The following RELN variants were observed in gnomAD, a reference collection of about 807,000 sequenced individuals.
RELN encodes the protein reelin.
Under a neutral mutation model 427.6 loss-of-function variants are expected in RELN, and 108 were observed. The observed-to-expected ratio is 0.25, with a 90% confidence interval of 0.22 to 0.30. The LOEUF is 0.30. Among genes scored for constraint, RELN ranks in the 10% least tolerant of loss-of-function variants. RELN has a pLI of 1.00. For synonymous variants in RELN, 1,524 were observed against 1,513.4 expected (o/e 1.01, Z -0.16); for missense variants, 3,715 against 4,302.8 (o/e 0.86, Z 3.82).
chr7:103,483,087 G>A lies in RELN; in HGVS notation c.10182-116C>T, dbSNP rs989632611. ...CTAATCTAAATCAACAAAATGTTAT[G>A]CATGGAATTCAGATTTGCTTAGGTC... is the stretch of plus-strand genomic sequence containing the variant. On this transcript the variant is annotated intron_variant, in intron 62 of 64. Transcript: ENST00000428762. 7.3e-6 allele frequency: 6 copies of A among 824,174 alleles called. No homozygotes were observed. In the African/African-American group the frequency reaches 1.0e-4, roughly 14 times the overall value. 51.1% of individuals were successfully genotyped at this position (824,174 alleles called of 1,614,324 possible).
At chr7:103,529,257 A>C (rs1829888624) in intron 46 of RELN, among the ~76,000 whole-genome samples, 1 of 152,178 alleles carries the variant, frequency 6.6e-6, no homozygotes, top group Admixed American at 6.5e-5. Context: ...CTTTCCTTAG[A>C]ACTTCCTGCA....
At position 103,575,568 on chromosome 7, in the gene RELN, A is replaced by C. The variant is rs1382626741; in HGVS notation, c.4283T>G (p.Phe1428Cys). Residue 1428 changes from phenylalanine to cysteine, a missense_variant, in exon 29 of 65, where the codon TTC (phenylalanine) becomes TGC (cysteine). Physicochemically the swap from Phe to Cys is radical, Grantham distance 205. This residue lies in a region of RELN where 2,208 missense variants were observed against 2,361.7 expected (regional missense o/e 0.93). Transcript: ENST00000428762. ...GHGDCISGVC[F>C]CDLGYTAAQG... ...CTTACCAGTATATCCCAGGTCACAG[A>C]AACACACTCCTGAAATGCAGTCCCC... 1.9e-6 allele frequency: 3 copies of C among 1,614,188 alleles called. No individual in the cohort carries two copies. The South Asian group carries it at 3.3e-5, about 18-fold the overall frequency.
At chr7:103,865,036 T>C (rs264361) in intron 2 of RELN, among the ~76,000 whole-genome samples, 129,251 of 150,854 alleles carry the variant, frequency 0.86, 55,662 homozygotes, top group African/African-American at 0.97. Context: ...GAGGCTGAGG[T>C]AGGAGAATTG....
chr7:103,598,739 A>G (rs1831597445), intron 24 of RELN, among the ~76,000 whole-genome samples: 1 of 152,234 alleles, frequency 6.6e-6, no homozygotes, highest in Non-Finnish European at 1.5e-5. Flanking sequence ...AGAGAATAGC[A>G]CAAATCATTT....
At chr7:103,627,964 C>T (rs1184544257) in intron 20 of RELN, 2 of 152,268 alleles carry the variant, frequency 1.3e-5, no homozygotes, top group Admixed American at 6.5e-5. Flanking sequence ...GCAACTTTTG[C>T]ATTTATCTGA....
intron 2 of RELN, among the ~76,000 whole-genome samples, chr7:103,876,165 A>G (rs1325293290): frequency 1.3e-5 from 2 of 152,138 alleles, no homozygotes; most frequent in Admixed American, 6.6e-5. Context: ...TTTTTTTAGG[A>G]ATAACTTGTA....
intron 2 of RELN, among the ~76,000 whole-genome samples, chr7:103,866,841 C>G (rs1232666629): frequency 6.6e-6 from 1 of 151,978 alleles, no homozygotes. Context: ...CCTGTCTGCC[C>G]TCTATCACAG....
At chr7:103,900,539 T>C (rs558349954) in intron 2 of RELN, among the ~76,000 whole-genome samples, 1 of 152,284 alleles carries the variant, frequency 6.6e-6, no homozygotes, top group South Asian at 2.1e-4. Flanking sequence ...GCTACCTGAC[T>C]TCAAACTATA....
intron 1 of RELN, among the ~76,000 whole-genome samples, chr7:103,931,534 G>A (rs1307709245): frequency 6.6e-6 from 1 of 152,286 alleles, no homozygotes; most frequent in Admixed American, 6.5e-5. Context: ...CAACACCACT[G>A]AGCATAGTCC....
At chr7:103,705,345 A>G (rs1175139123) in intron 8 of RELN, among the ~76,000 whole-genome samples, 1 of 149,200 alleles carries the variant, frequency 6.7e-6, no homozygotes, top group Admixed American at 6.6e-5. Context: ...CCCAAATACA[A>G]ACAAACAAAC....
At chr7:103,535,770 G>A (rs1302833831) in intron 45 of RELN, among the ~76,000 whole-genome samples, 1 of 151,994 alleles carries the variant, frequency 6.6e-6, no homozygotes, top group Non-Finnish European at 1.5e-5. Flanking sequence ...AGAAGCTTTT[G>A]GAACAATCAT....
chr7:103,713,660 C>CTT (rs60124892), intron 8 of RELN, among the ~76,000 whole-genome samples: 2,875 of 143,670 alleles, frequency 0.02, 99 homozygotes, highest in African/African-American at 0.069. Context: ...GGCATTTATC[C>CTT]TTTTTTTTTT....
At chr7:103,605,794 A>T (rs1831805267) in intron 22 of RELN, among the ~76,000 whole-genome samples, 1 of 152,208 alleles carries the variant, frequency 6.6e-6, no homozygotes, top group African/African-American at 2.4e-5. Context: ...CAGACTGTTA[A>T]AATTCCGACT....
At chr7:103,519,620 TC>T in intron 48 of RELN, 104 bp from the exon 49 acceptor site, 2 of 835,842 alleles carry the variant, frequency 2.4e-6, no homozygotes, top group Non-Finnish European at 3.8e-6. Context: ...TCTTGCTCTG[TC>T]ACCTAGGCTG....
At chr7:103,771,442 A>G (rs973906295) in intron 4 of RELN, among the ~76,000 whole-genome samples, 4 of 151,828 alleles carry the variant, frequency 2.6e-5, no homozygotes, top group African/African-American at 9.7e-5. Context: ...CCATCTCCCT[A>G]ATGAATGCAT....
In RELN at chr7:103,640,968, A is replaced by G. The variant is rs1832683645; in HGVS notation, c.2003-359T>C. ...AATATTTAAAAAGGACCAATCTGAT[A>G]TATCACAATATGGAGAAGTCACCCC... On this transcript the variant is annotated intron_variant, in intron 16 of 64. Transcript: ENST00000428762. The surrounding 1 kb of genome is among the most constrained non-coding windows in gnomAD (Gnocchi z 4.1). 6.6e-6 allele frequency among the ~76,000 whole-genome samples: 1 copy of G among 152,218 alleles called. No individual in the cohort carries two copies. Among genetic ancestry groups the G allele is most frequent in the African/African-American group, 2.4e-5 (1 of 41,462 alleles).
chr7:103,745,913 C>G (rs949758405), intron 6 of RELN, among the ~76,000 whole-genome samples: 2 of 152,176 alleles, frequency 1.3e-5, no homozygotes, highest in South Asian at 2.1e-4. Context: ...CTGGAAAACA[C>G]TACTTTAAAG....
intron 10 of RELN, among the ~76,000 whole-genome samples, chr7:103,696,953 G>C (rs1833989119): frequency 6.6e-6 from 1 of 152,126 alleles, no homozygotes; most frequent in Non-Finnish European, 1.5e-5. Flanking sequence ...TCTATCACAA[G>C]TCTCAACTTA....
At position 103,964,151 on chromosome 7, in the gene RELN, C is replaced by T. The variant is rs1796616806; in HGVS notation, c.226+24980G>A. On this transcript the variant is annotated intron_variant, in intron 1 of 64. Transcript: ENST00000428762. Reference sequence around the variant, plus strand: ...TCCAGCCTGGGTGATAGAGCGAGACCCTGTCTCGAAATAATAATAATAATA... The same window carrying T: ...TCCAGCCTGGGTGATAGAGCGAGACTCTGTCTCGAAATAATAATAATAATA... Among the ~76,000 whole-genome samples, 4 of 151,922 alleles carry T rather than the reference C, an allele frequency of 2.6e-5. No individual in the cohort carries two copies. In the South Asian group the frequency reaches 6.2e-4, roughly 24 times the overall value.
Sources: gnomAD v4.1 joint callset for allele counts (sites outside exome capture counted in the v4.1 genomes callset) on GRCh38, gnomAD v4.1.1 for gene constraint, gnomAD v4.1.1 regional missense constraint, Gnocchi (gnomAD v3.1) non-coding constraint, MANE v1.5 for transcripts, NCBI Gene and HGNC (gene_info 2026-07-23, HGNC 2026-07-21) for gene names.